PTPRG: variants seen among roughly 807,000 people sequenced by gnomAD.
The protein encoded by PTPRG is protein tyrosine phosphatase receptor type G, also known as receptor-type tyrosine-protein phosphatase gamma.
In PTPRG, 102 loss-of-function variants were observed where a neutral mutation model predicts 165.3. The ratio of observed to expected loss-of-function variants is 0.62; its 90% CI spans 0.53 to 0.73. The LOEUF is 0.73. Ranked by LOEUF, PTPRG falls within the 30% of genes least tolerant of loss-of-function variation. The pLI, the probability that PTPRG is intolerant of heterozygous loss-of-function variation, is 0.00. For missense variants in PTPRG, 1,866 were observed against 1,861.4 expected, an observed-to-expected ratio of 1.00 and a Z score of -0.05; for synonymous variants, 675 against 669.5, an observed-to-expected ratio of 1.01 and a Z score of -0.13.
At chr3:61,861,797 G>T (rs1305707905) in intron 2 of PTPRG, among the ~76,000 whole-genome samples, 1 of 152,190 alleles carries the variant, frequency 6.6e-6, no homozygotes, top group Non-Finnish European at 1.5e-5. Flanking sequence ...GGCACTTAAT[G>T]CATGCCGATG....
rs1446569386 is a variant in PTPRG at position 62,243,770 on chromosome 3, ATT to A, written c.2376-36_2376-35del. The A allele has an allele frequency of 9.2e-6, 10 of 1,089,480 alleles. No individual in the cohort carries two copies. In the Admixed American group the frequency reaches 2.0e-4, roughly 21 times the overall value. The allele number at this position is 1,089,480 out of a possible 1,614,324, so 67.5% of individuals were successfully genotyped here. On this transcript the variant is annotated intron_variant, in intron 14 of 29. Transcript: ENST00000474889. ...AAGAAGATGAACTCAAATAAAGTAT[ATT>A]CTATTATTGACATGTTTTTCTCTTT...
intron 4 of PTPRG, among the ~76,000 whole-genome samples, chr3:62,014,125 A>G (rs2041487573): frequency 6.6e-6 from 1 of 152,232 alleles, no homozygotes; most frequent in African/African-American, 2.4e-5. Flanking sequence ...GTCACTCAGA[A>G]GGGACAGTCA....
chr3:62,208,993 G>C (rs1476381697), intron 12 of PTPRG, among the ~76,000 whole-genome samples: 1 of 152,212 alleles, frequency 6.6e-6, no homozygotes, highest in Non-Finnish European at 1.5e-5. Context: ...TATGGGCTCT[G>C]ACTCTATAGT....
chr3:62,030,617 C>G (rs1027743095), intron 4 of PTPRG, among the ~76,000 whole-genome samples: 3 of 152,062 alleles, frequency 2.0e-5, no homozygotes, highest in Admixed American at 2.0e-4. Context: ...CTGGAGGAGG[C>G]ATGAATCTTG....
At chr3:62,270,416 A>T (rs1489482519) in intron 20 of PTPRG, among the ~76,000 whole-genome samples, 1 of 152,152 alleles carries the variant, frequency 6.6e-6, no homozygotes, top group Non-Finnish European at 1.5e-5. Flanking sequence ...GTTCTCTACT[A>T]TGAAATAGAG....
chr3:61,748,219 A>G (rs562733529), intron 1 of PTPRG, among the ~76,000 whole-genome samples: 25 of 152,336 alleles, frequency 1.6e-4, no homozygotes, highest in Middle Eastern at 3.4e-3. Flanking sequence ...GAAGACTGGT[A>G]CTAATCACAA....
intron 5 of PTPRG, among the ~76,000 whole-genome samples, chr3:62,101,315 T>G (rs12637866): frequency 6.6e-6 from 1 of 152,004 alleles, no homozygotes. Flanking sequence ...AAGAAAACTT[T>G]AACATAGAAC....
chr3:62,113,417 T>TAA (rs1702740122), intron 5 of PTPRG, among the ~76,000 whole-genome samples: 1 of 152,250 alleles, frequency 6.6e-6, no homozygotes, highest in Admixed American at 6.5e-5. Flanking sequence ...TTTAAATACT[T>TAA]ATTTATAATT....
intron 4 of PTPRG, among the ~76,000 whole-genome samples, chr3:62,072,375 A>G (rs1404828188): frequency 6.6e-6 from 1 of 152,208 alleles, no homozygotes; most frequent in Admixed American, 6.5e-5. Flanking sequence ...ATTATGCTAT[A>G]TGATACTCTA....
chr3:62,027,969 T>G (rs1699624877), intron 4 of PTPRG, among the ~76,000 whole-genome samples: 1 of 152,210 alleles, frequency 6.6e-6, no homozygotes, highest in African/African-American at 2.4e-5. Context: ...CAACTCGTGA[T>G]TATTTATTCC....
chr3:62,028,534 T>C (rs941221009), intron 4 of PTPRG, among the ~76,000 whole-genome samples: 2 of 152,192 alleles, frequency 1.3e-5, no homozygotes, highest in African/African-American at 4.8e-5. Context: ...CACAAACCTT[T>C]CCATTCATAT....
intron 1 of PTPRG, among the ~76,000 whole-genome samples, chr3:61,592,257 G>A (rs555425469): frequency 3.9e-5 from 6 of 151,986 alleles, no homozygotes; most frequent in African/African-American, 7.3e-5. Context: ...GTGAGCCACC[G>A]CGTCCAGCAG....
intron 1 of PTPRG, among the ~76,000 whole-genome samples, chr3:61,708,950 G>A (rs1055362115): frequency 6.6e-6 from 1 of 152,328 alleles, no homozygotes; most frequent in Non-Finnish European, 1.5e-5. Flanking sequence ...AGGTTTGGCC[G>A]GTTTGGATTC....
rs552214510 is a variant in PTPRG, at chr3:61,813,515, C to CAA, written c.190+64546_190+64547dup. Among the ~76,000 whole-genome samples, 459 of 57,902 alleles carry CAA rather than the reference C, an allele frequency of 7.9e-3. 8 individuals are homozygous for CAA. The highest frequency in any genetic ancestry group is 0.043 in the Middle Eastern group (4 of 92). 38.0% of individuals were successfully genotyped at this position (57,902 alleles called of 152,430 possible). A position where few individuals can be genotyped will look rare whatever the true frequency, so the allele number is the denominator to read the frequency against. On this transcript the variant is annotated intron_variant, in intron 2 of 29. Coordinates refer to ENST00000474889, the MANE Select transcript of PTPRG (RefSeq NM_002841.4). ...TGGGTGACAGAATGAGACTCCGTCT[C>CAA]AAAAAAAAAAAAAAGAAAAAAGAAA...
Position 61,887,170 on chromosome 3 carries a change from A to ATATTTT in PTPRG, c.191-102454_191-102453insATTTTT, listed in dbSNP as rs60282456. Among the ~76,000 whole-genome samples, 31 of 115,530 alleles carry ATATTTT rather than the reference A, an allele frequency of 2.7e-4. 1 individual carries two copies. In the East Asian group the frequency reaches 3.3e-3, roughly 12 times the overall value. 75.8% of individuals were successfully genotyped at this position (115,530 alleles called of 152,430 possible). A position where few individuals can be genotyped will look rare whatever the true frequency, so the allele number is the denominator to read the frequency against. ...TATATATATATATATATATATATATATTTTTAATGCCATCATCAAACACTC... is the reference window on the plus strand; with the variant it reads ...TATATATATATATATATATATATATATATTTTTTTTTAATGCCATCATCAAACACTC... On this transcript the variant is annotated intron_variant, in intron 2 of 29. Transcript: ENST00000474889.
chr3:61,842,040 G>A (rs568749643), intron 2 of PTPRG, among the ~76,000 whole-genome samples: 1 of 152,266 alleles, frequency 6.6e-6, no homozygotes, highest in African/African-American at 2.4e-5. Context: ...GAAAGCCTTA[G>A]CTAAATGTTT....
At chr3:62,112,939 A>C (rs1022144969) in intron 5 of PTPRG, among the ~76,000 whole-genome samples, 5 of 152,194 alleles carry the variant, frequency 3.3e-5, no homozygotes, top group Admixed American at 1.3e-4. Flanking sequence ...GTATGTCTTT[A>C]GGTCTCTTTC....
intron 2 of PTPRG, among the ~76,000 whole-genome samples, chr3:61,910,152 T>TA (rs1253873103): frequency 1.3e-5 from 2 of 152,234 alleles, no homozygotes; most frequent in African/African-American, 2.4e-5. Flanking sequence ...TCACATGCCT[T>TA]ACGTACCTCT....
chr3:62,279,288 C>T (rs1273135390), intron 26 of PTPRG, among the ~76,000 whole-genome samples: 6 of 152,016 alleles, frequency 3.9e-5, no homozygotes, highest in African/African-American at 1.4e-4. Flanking sequence ...GTAAGCAAAA[C>T]AGTCATGAGA....
Sources: gnomAD v4.1 joint callset for allele counts (sites outside exome capture counted in the v4.1 genomes callset) on GRCh38, gnomAD v4.1.1 for gene constraint, MANE v1.5 for transcripts, NCBI Gene and HGNC (gene_info 2026-07-23, HGNC 2026-07-21) for gene names.